Variants in C8A observed in about 807,000 individuals in gnomAD.
The protein encoded by C8A is complement component C8 alpha chain.
A neutral mutation model predicts 65.3 loss-of-function variants in C8A; 67 were observed. The ratio of observed to expected loss-of-function variants is 1.03; its 90% CI spans 0.84 to 1.26. C8A has a LOEUF of 1.26. C8A is among the 50% of genes most tolerant of loss of function. The pLI is 0.00. For synonymous variants in C8A, 290 were observed against 259.4 expected (o/e 1.12, Z -1.13); for missense variants, 781 against 723.9 (o/e 1.08, Z -0.90).
At chr1:56,915,572 A>G (rs1425184470) in intron 10 of C8A, among the ~76,000 whole-genome samples, 4 of 152,228 alleles carry the variant, frequency 2.6e-5, no homozygotes, top group Non-Finnish European at 5.9e-5. Flanking sequence ...GGGACCAAAG[A>G]TCAATGAACA....
intron 9 of C8A, 95 bp from the exon 10 acceptor site, chr1:56,912,308 T>C (rs1184193408): frequency 4.5e-6 from 5 of 1,102,534 alleles, no homozygotes; most frequent in African/African-American, 1.6e-5. Flanking sequence ...GCCTGGCATG[T>C]ATCAGGCCTT....
At position 56,912,446 on chromosome 1, in the gene C8A, C is replaced by T. The variant is rs143256214; in HGVS notation, c.1424C>T (p.Pro475Leu). 6.2e-6 allele frequency: 10 copies of T among 1,614,098 alleles called. No homozygotes were observed. The highest frequency in any genetic ancestry group is 1.7e-5 in the Admixed American group (1 of 60,008). The stretch of plus-strand genomic sequence containing the variant: ...GTGCTGCGGCACACAAGCCTGGGGC[C>T]TCTGGAGGCCAAGCGCCAGAACCTG... ...HEVLRHTSLG[P>L]LEAKRQNLRR... is the part of the protein sequence containing the mutation. The change falls in exon 10 of 11, where the codon CCT (proline) becomes CTT (leucine). Residue 475 changes from proline to leucine, a missense_variant. Pro to Leu is a moderately conservative substitution (Grantham distance 98). Coordinates refer to ENST00000361249, the MANE Select transcript of C8A (RefSeq NM_000562.3).
rs778527619 is a variant in C8A, at chr1:56,876,227, A to T, written c.464+18A>T. ...GCCTTGGGGTGAGGCCCTGCCTACTAGCTATTTAGGAGCAGGGAATGATTT... is the reference window on the plus strand; with the variant it reads ...GCCTTGGGGTGAGGCCCTGCCTACTTGCTATTTAGGAGCAGGGAATGATTT... On this transcript the variant is annotated intron_variant, in intron 4 of 10. Transcript: ENST00000361249. The T allele has an allele frequency of 6.2e-7, 1 of 1,613,526 alleles. No homozygotes were observed. The highest frequency in any genetic ancestry group is 8.5e-7 in the Non-Finnish European group (1 of 1,179,616).
chr1:56,877,854 AG>A (rs767881607), intron 4 of C8A, among the ~76,000 whole-genome samples: 10 of 152,278 alleles, frequency 6.6e-5, no homozygotes, highest in Non-Finnish European at 1.2e-4. Context: ...CTGAGATCAG[AG>A]CCCACCTACT....
chr1:56,879,045 A>C (rs571194045), intron 4 of C8A, among the ~76,000 whole-genome samples: 1 of 152,360 alleles, frequency 6.6e-6, no homozygotes, highest in Non-Finnish European at 1.5e-5. Flanking sequence ...CTGAAGGCCA[A>C]ATTCAGCCGG....
At chr1:56,866,895 T>C (rs1428839702) in intron 1 of C8A, among the ~76,000 whole-genome samples, 1 of 152,184 alleles carries the variant, frequency 6.6e-6, no homozygotes, top group Admixed American at 6.5e-5. Flanking sequence ...AGTAGCATGA[T>C]GAGGAGCAGG....
Position 56,885,555 on chromosome 1 carries a change from G to GTT in C8A, c.856-364_856-363dup, listed in dbSNP as rs201414278. On this transcript the variant is annotated intron_variant, in intron 6 of 10. Transcript: ENST00000361249. ...TGACCTTTTGCATCCTTTCTTTTTT[G>GTT]TTTTTTTTTGTTTGTTTTTTTTTTT... Among the ~76,000 whole-genome samples, 646 of 127,806 alleles carry GTT rather than the reference G, an allele frequency of 5.1e-3. 5 individuals carry two copies. The highest frequency in any genetic ancestry group is 0.016 in the African/African-American group (546 of 34,932). 83.8% of individuals were successfully genotyped at this position (127,806 alleles called of 152,430 possible).
intron 4 of C8A, 28 bp downstream of exon 4, chr1:56,876,237 G>A (rs777753470): frequency 3.1e-6 from 5 of 1,613,152 alleles, no homozygotes; most frequent in South Asian, 2.2e-5. Flanking sequence ...AGCTATTTAG[G>A]AGCAGGGAAT....
At chr1:56,872,941 C>T (rs1182849328) in intron 2 of C8A, among the ~76,000 whole-genome samples, 2 of 151,966 alleles carry the variant, frequency 1.3e-5, no homozygotes, top group African/African-American at 2.4e-5. Flanking sequence ...CATTTCTATG[C>T]TGATCACTCC....
At chr1:56,870,995 G>T (rs1366420153) in intron 2 of C8A, among the ~76,000 whole-genome samples, 1 of 152,054 alleles carries the variant, frequency 6.6e-6, no homozygotes, top group Non-Finnish European at 1.5e-5. Flanking sequence ...GGGAATATTG[G>T]CACCAACCTT....
chr1:56,855,644 T>C (rs1020726403), intron 1 of C8A, among the ~76,000 whole-genome samples: 14 of 152,040 alleles, frequency 9.2e-5, no homozygotes, highest in African/African-American at 3.4e-4. Flanking sequence ...GGGTTTTTTT[T>C]TTTTGGTATC....
chr1:56,877,710 C>A (rs1157803538), intron 4 of C8A, among the ~76,000 whole-genome samples: 1 of 152,118 alleles, frequency 6.6e-6, no homozygotes, highest in Non-Finnish European at 1.5e-5. Flanking sequence ...TCAATATGAT[C>A]AGCTGGATCT....
chr1:56,858,856 T>C (rs952759656), intron 1 of C8A, among the ~76,000 whole-genome samples: 9 of 152,208 alleles, frequency 5.9e-5, no homozygotes, highest in Admixed American at 3.3e-4. Flanking sequence ...GATTAAGTCC[T>C]GGCATCACCA....
Position 56,917,612 on chromosome 1 carries a change from T to G in C8A, c.1651T>G (p.Cys551Gly). The change falls in exon 11 of 11, where the codon TGC becomes GGC. Residue 551 changes from cysteine to glycine, a missense_variant. Transcript: ENST00000361249. The stretch of plus-strand genomic sequence containing the variant: ...GAGTTGCTGGAGCTCCTGGTCTGTA[T>G]GCAGAGCAGGCATCCAGGAAAGGAG... ...SWSCWSSWSV[C>G]RAGIQERRRE... The G allele has an allele frequency of 6.2e-7, 1 of 1,614,144 alleles. No homozygotes were observed. Among genetic ancestry groups the G allele is most frequent in the Non-Finnish European group, 8.5e-7 (1 of 1,180,012 alleles).
chr1:56,902,386 C>T (rs1490742385), intron 7 of C8A, among the ~76,000 whole-genome samples: 1 of 152,048 alleles, frequency 6.6e-6, no homozygotes, highest in Non-Finnish European at 1.5e-5. Context: ...ATCTTTTTTC[C>T]TTTCTTCAAG....
chr1:56,871,136 C>T (rs1644143618), intron 2 of C8A, among the ~76,000 whole-genome samples: 1 of 152,162 alleles, frequency 6.6e-6, no homozygotes, highest in Non-Finnish European at 1.5e-5. Flanking sequence ...GCAATAGTCA[C>T]CATTTATTAA....
At chr1:56,903,617 T>C (rs1404086024) in intron 7 of C8A, among the ~76,000 whole-genome samples, 2 of 152,146 alleles carry the variant, frequency 1.3e-5, no homozygotes, top group African/African-American at 2.4e-5. Context: ...TCTGAGTAGA[T>C]ATGATGGAAC....
chr1:56,889,088 T>C (rs1347325430), intron 7 of C8A, among the ~76,000 whole-genome samples: 1 of 152,156 alleles, frequency 6.6e-6, no homozygotes, highest in Non-Finnish European at 1.5e-5. Context: ...TGGTTAATAT[T>C]CAAAAGGAGC....
At chr1:56,885,792 C>T in intron 6 of C8A, 135 bp from the exon 7 acceptor site, 1 of 1,173,474 alleles carries the variant, frequency 8.5e-7, no homozygotes. Flanking sequence ...CCTTGTGATC[C>T]TCCAGCTTCT....
Sources: gnomAD v4.1 joint callset for allele counts (sites outside exome capture counted in the v4.1 genomes callset) on GRCh38, gnomAD v4.1.1 for gene constraint, MANE v1.5 for transcripts, NCBI Gene and HGNC (gene_info 2026-07-23, HGNC 2026-07-21) for gene names.